CX3CR1: variants seen among roughly 807,000 people sequenced by gnomAD.
CX3CR1 encodes CX3C chemokine receptor 1.
For missense variants in CX3CR1, 363 were observed against 432.4 expected (o/e 0.84, Z 1.42); for synonymous variants, 168 against 178.5 (o/e 0.94, Z 0.47).
intron 1 of CX3CR1, among the ~76,000 whole-genome samples, chr3:39,275,787 G>T (rs908431564): frequency 2.6e-5 from 4 of 152,176 alleles, no homozygotes; most frequent in Non-Finnish European, 4.4e-5. Context: ...AGGCAAAAGT[G>T]TTTAAGATAC....
At chr3:39,277,563 G>A (rs956386414) in intron 1 of CX3CR1, among the ~76,000 whole-genome samples, 4 of 152,192 alleles carry the variant, frequency 2.6e-5, no homozygotes, top group Admixed American at 2.6e-4. Context: ...CTGGACTCAG[G>A]ATACTGGGTC....
At chr3:39,290,861 C>T in the CX3CR1 span, among the ~76,000 whole-genome samples, 1 of 151,368 alleles carries the variant, frequency 6.6e-6, no homozygotes, top group African/African-American at 2.4e-5. Flanking sequence ...GCGGAGGTTG[C>T]AGTGAGCTGA....
upstream of CX3CR1, chr3:39,286,645 G>T (rs2040945458): frequency 8.3e-6 from 1 of 120,718 alleles, no homozygotes; most frequent in Admixed American, 1.0e-4. Context: ...GCGACAGAGC[G>T]AGACTCCGTC....
Position 39,264,344 on chromosome 3 carries a change from A to G in CX3CR1, c.*1098T>C, listed in dbSNP as rs750429036. On this transcript the variant is annotated 3_prime_UTR_variant, in exon 2 of 2. Transcript: ENST00000399220. ...GTTGGTGGCTAGTTCCTCATGCTGGAAAGGATGATCTCTATGTGAAAGGTA... is the reference window on the plus strand; with the variant it reads ...GTTGGTGGCTAGTTCCTCATGCTGGGAAGGATGATCTCTATGTGAAAGGTA... 2 of 152,304 alleles carry G rather than the reference A, an allele frequency of 1.3e-5. No homozygotes were observed. Among genetic ancestry groups the G allele is most frequent in the African/African-American group, 2.4e-5 (1 of 41,464 alleles). 9.4% of individuals were successfully genotyped at this position (152,304 alleles called of 1,614,324 possible). A position where few individuals can be genotyped will look rare whatever the true frequency, so the allele number is the denominator to read the frequency against.
At chr3:39,281,063 C>T (rs1389422893), upstream of CX3CR1, 25 of 990,488 alleles carry the variant, frequency 2.5e-5, no homozygotes, top group East Asian at 2.2e-4. Flanking sequence ...TGTGGTGTTC[C>T]GAGGACAGCG....
chr3:39,289,533 T>C, the CX3CR1 span, among the ~76,000 whole-genome samples: 320 of 152,360 alleles, frequency 2.1e-3, no homozygotes, highest in Non-Finnish European at 3.5e-3. Context: ...CAAAAATTTC[T>C]GAGTGACAAC....
chr3:39,289,804 A>G, the CX3CR1 span, among the ~76,000 whole-genome samples: 6 of 152,200 alleles, frequency 3.9e-5, no homozygotes, highest in East Asian at 1.2e-3. Context: ...CAGAAGAGAG[A>G]GACACCAGGG....
upstream of CX3CR1, chr3:39,281,537 C>T (rs977280461): frequency 1.5e-6 from 2 of 1,311,506 alleles, no homozygotes; most frequent in East Asian, 2.4e-5. Context: ...TCTCTACCTC[C>T]ATCCAGGGCC....
the CX3CR1 span, among the ~76,000 whole-genome samples, chr3:39,292,376 G>C: frequency 1.6e-4 from 24 of 152,298 alleles, no homozygotes; most frequent in Non-Finnish European, 2.5e-4. Flanking sequence ...CCTAAAGTCA[G>C]ACCCTCAACT....
the CX3CR1 span, among the ~76,000 whole-genome samples, chr3:39,290,785 G>A: frequency 1.1e-4 from 16 of 151,990 alleles, no homozygotes; most frequent in Admixed American, 9.8e-4. Context: ...GCCAGGCATG[G>A]TGGTGGGCGC....
intron 1 of CX3CR1, among the ~76,000 whole-genome samples, chr3:39,269,857 T>C (rs1012908353): frequency 6.6e-6 from 1 of 152,260 alleles, no homozygotes; most frequent in Admixed American, 6.5e-5. Flanking sequence ...CTATGAGCCA[T>C]CTGGACCATG....
At chr3:39,283,763 G>A (rs2040923955), upstream of CX3CR1, among the ~76,000 whole-genome samples, 4 of 127,612 alleles carry the variant, frequency 3.1e-5, no homozygotes, top group South Asian at 1.1e-3. Context: ...CTGGGCGAAA[G>A]AGCGAGACTC....
chr3:39,270,934 T>C (rs2040767874), intron 1 of CX3CR1, among the ~76,000 whole-genome samples: 2 of 152,198 alleles, frequency 1.3e-5, no homozygotes, highest in Non-Finnish European at 2.9e-5. Context: ...AAAAGGATCA[T>C]CTCTATTTTT....
At chr3:39,286,303 A>ATT, upstream of CX3CR1, 1 of 152,474 alleles carries the variant, frequency 6.6e-6, no homozygotes, top group South Asian at 2.1e-4. Context: ...GAAGAGACTA[A>ATT]TAACAGGTGA....
intron 1 of CX3CR1, among the ~76,000 whole-genome samples, chr3:39,269,436 G>GT (rs1348658484): frequency 1.3e-5 from 2 of 152,186 alleles, no homozygotes; most frequent in African/African-American, 4.8e-5. Flanking sequence ...GAAAAGATCA[G>GT]TCAGGTACAG....
the CX3CR1 span, among the ~76,000 whole-genome samples, chr3:39,290,135 A>G: frequency 6.6e-6 from 1 of 152,222 alleles, no homozygotes; most frequent in Non-Finnish European, 1.5e-5. Flanking sequence ...CAAAGGAACC[A>G]GGGAGCATGT....
At chr3:39,278,186 G>A (rs560654508) in intron 1 of CX3CR1, among the ~76,000 whole-genome samples, 1 of 152,332 alleles carries the variant, frequency 6.6e-6, no homozygotes, top group African/African-American at 2.4e-5. Context: ...AGACTTTGTG[G>A]AGACTGGCAC....
At chr3:39,268,355 G>C (rs891050675) in intron 1 of CX3CR1, among the ~76,000 whole-genome samples, 1 of 152,170 alleles carries the variant, frequency 6.6e-6, no homozygotes, top group Admixed American at 6.5e-5. Context: ...TAAGTCAAAT[G>C]GTATAAAATG....
rs760971482 is a variant in CX3CR1, at chr3:39,265,706, C to G, written c.804G>C (p.Arg268Ser). Reference sequence around the variant, plus strand: ...CACTGAGGGCCAGCCTCAGATCCTTCCTCATGTCACAACTGGGAAAGAAGT... The same window carrying G: ...CACTGAGGGCCAGCCTCAGATCCTTGCTCATGTCACAACTGGGAAAGAAGT... ...LYDFFPSCDM[R>S]KDLRLALSVT... The change falls in exon 2 of 2, where the codon AGG (arginine) becomes AGC (serine). Residue 268 changes from arginine to serine, a missense_variant. Physicochemically the swap from Arg to Ser is moderately radical, Grantham distance 110. Transcript: ENST00000399220. 6.2e-7 allele frequency: 1 copy of G among 1,614,188 alleles called. No individual in the cohort carries two copies. Among genetic ancestry groups the G allele is most frequent in the Non-Finnish European group, 8.5e-7 (1 of 1,180,030 alleles).
Sources: allele counts gnomAD v4.1 joint callset (sites outside exome capture counted in the v4.1 genomes callset), GRCh38; gene constraint gnomAD v4.1.1; transcripts MANE v1.5; gene names NCBI Gene and HGNC (gene_info 2026-07-23, HGNC 2026-07-21).